NELL1: variants seen among roughly 807,000 people sequenced by gnomAD.
NELL1 encodes the protein protein kinase C-binding protein NELL1.
In NELL1, 76 loss-of-function variants were observed where a neutral mutation model predicts 107.4. That is an observed-to-expected ratio of 0.71 (90% CI 0.59 to 0.86). NELL1 has a LOEUF of 0.86. NELL1 is among the 40% of genes least tolerant of loss of function. NELL1 has a pLI of 0.00. For synonymous variants in NELL1, 353 were observed against 341.2 expected (o/e 1.03, Z -0.38); for missense variants, 1,024 against 1,005.5 (o/e 1.02, Z -0.25).
intron 12 of NELL1, among the ~76,000 whole-genome samples, chr11:20,994,733 G>C (rs1215975911): frequency 6.6e-6 from 1 of 152,152 alleles, no homozygotes; most frequent in Non-Finnish European, 1.5e-5. Flanking sequence ...GGCCTTAGAA[G>C]AGCTAAACTA....
intron 12 of NELL1, among the ~76,000 whole-genome samples, chr11:21,000,233 T>C (rs1232708611): frequency 6.6e-6 from 1 of 151,204 alleles, no homozygotes; most frequent in Non-Finnish European, 1.5e-5. Context: ...ACCTACACAA[T>C]GTGCACATGT....
intron 13 of NELL1, among the ~76,000 whole-genome samples, chr11:21,158,840 T>G (rs1856301432): frequency 6.6e-6 from 1 of 152,190 alleles, no homozygotes; most frequent in African/African-American, 2.4e-5. Context: ...GTTATTTTTT[T>G]TCTCTTTTCA....
intron 14 of NELL1, among the ~76,000 whole-genome samples, chr11:21,309,260 GTATATA>G (rs35920508): frequency 1.0e-5 from 1 of 99,668 alleles, no homozygotes; most frequent in African/African-American, 3.8e-5. Flanking sequence ...ATATATATAT[GTATATA>G]TATATATATA....
At chr11:21,058,172 G>T (rs965266106) in intron 12 of NELL1, among the ~76,000 whole-genome samples, 1 of 152,054 alleles carries the variant, frequency 6.6e-6, no homozygotes, top group Non-Finnish European at 1.5e-5. Context: ...ACCATGGAAG[G>T]CATATGAAAC....
rs116258836 is a variant in NELL1 at position 21,570,702 on chromosome 11, C to T, written c.1981-62C>T. On this transcript the variant is annotated intron_variant, in intron 17 of 19. Coordinates refer to ENST00000357134, the MANE Select transcript of NELL1 (RefSeq NM_006157.5). Reference sequence around the variant, plus strand: ...CCAAACATCCAAGAAGTTCATTTCTCTTAGTGTAGCTGTCCATCATGTCCT... The same window carrying T: ...CCAAACATCCAAGAAGTTCATTTCTTTTAGTGTAGCTGTCCATCATGTCCT... 8.4e-4 allele frequency: 1,275 copies of T among 1,516,926 alleles called. 7 individuals are homozygous for T. In the African/African-American group the frequency reaches 0.016, roughly 19 times the overall value. 94.0% of individuals were successfully genotyped at this position (1,516,926 alleles called of 1,614,324 possible).
At chr11:21,571,589 C>A (rs552746940) in intron 18 of NELL1, among the ~76,000 whole-genome samples, 1 of 151,820 alleles carries the variant, frequency 6.6e-6, no homozygotes, top group Admixed American at 6.6e-5. Context: ...TTAATACTTC[C>A]TACCTTGAAA....
At chr11:21,493,102 G>C (rs1023876167) in intron 15 of NELL1, among the ~76,000 whole-genome samples, 2 of 152,022 alleles carry the variant, frequency 1.3e-5, no homozygotes, top group African/African-American at 2.4e-5. Flanking sequence ...ATGATAGTGA[G>C]TATGCAGAGA....
chr11:20,703,703 G>A (rs976288361), intron 2 of NELL1, among the ~76,000 whole-genome samples: 1 of 152,142 alleles, frequency 6.6e-6, no homozygotes, highest in Non-Finnish European at 1.5e-5. Context: ...GGTATGTTGT[G>A]TCTTTGTTCT....
chr11:21,477,598 C>A (rs1484643996), intron 15 of NELL1, among the ~76,000 whole-genome samples: 3 of 151,924 alleles, frequency 2.0e-5, no homozygotes, highest in Non-Finnish European at 4.4e-5. Context: ...TACAAATAAG[C>A]CTAAACTATG....
chr11:21,339,045 A>G (rs1045889797), intron 14 of NELL1, among the ~76,000 whole-genome samples: 8 of 152,180 alleles, frequency 5.3e-5, no homozygotes, highest in Non-Finnish European at 1.0e-4. Context: ...CGCTGAATCC[A>G]GTTCTGAAGC....
intron 13 of NELL1, among the ~76,000 whole-genome samples, chr11:21,174,243 C>A (rs1856665905): frequency 6.6e-6 from 1 of 151,800 alleles, no homozygotes; most frequent in Non-Finnish European, 1.5e-5. Flanking sequence ...CTGATTCTGT[C>A]CCAGGCAAAC....
chr11:20,984,244 A>C (rs147175894), intron 12 of NELL1, among the ~76,000 whole-genome samples: 42 of 152,250 alleles, frequency 2.8e-4, no homozygotes, highest in African/African-American at 9.9e-4. Flanking sequence ...GCACCTAATA[A>C]ACTGTTTGAT....
chr11:21,477,606 A>G (rs1854370454), intron 15 of NELL1, among the ~76,000 whole-genome samples: 2 of 152,080 alleles, frequency 1.3e-5, no homozygotes, highest in Non-Finnish European at 2.9e-5. Flanking sequence ...AGCCTAAACT[A>G]TGAAGAATAT....
intron 4 of NELL1, among the ~76,000 whole-genome samples, chr11:20,867,552 C>T (rs879467785): frequency 5.9e-5 from 9 of 152,126 alleles, no homozygotes; most frequent in South Asian, 2.1e-4. Flanking sequence ...AAAGAACTTC[C>T]GTTTTCTGGG....
chr11:20,921,197 A>G (rs1564967740), intron 7 of NELL1, among the ~76,000 whole-genome samples: 1 of 152,180 alleles, frequency 6.6e-6, no homozygotes, highest in Non-Finnish European at 1.5e-5. Flanking sequence ...CTTATAGGAC[A>G]TACAAAAGTA....
intron 3 of NELL1, among the ~76,000 whole-genome samples, chr11:20,803,501 T>G (rs1464479483): frequency 3.3e-5 from 5 of 152,210 alleles, no homozygotes; most frequent in Non-Finnish European, 5.9e-5. Flanking sequence ...ACGAACTTCT[T>G]CTTTCATTGA....
intron 14 of NELL1, among the ~76,000 whole-genome samples, chr11:21,276,196 A>G (rs1361382953): frequency 6.6e-6 from 1 of 152,246 alleles, no homozygotes; most frequent in East Asian, 1.9e-4. Context: ...AGGCAACTTC[A>G]GCAAAGTCTC....
chr11:21,429,150 T>G (rs894611670), intron 15 of NELL1, among the ~76,000 whole-genome samples: 1 of 152,230 alleles, frequency 6.6e-6, no homozygotes. Flanking sequence ...GGAAATGTTT[T>G]TAATTTATTC....
intron 4 of NELL1, among the ~76,000 whole-genome samples, chr11:20,883,660 G>T (rs981250893): frequency 3.3e-5 from 5 of 152,094 alleles, no homozygotes; most frequent in African/African-American, 1.2e-4. Context: ...CATCATTTGT[G>T]CCTCATTATC....
Sources: gnomAD v4.1 joint callset for allele counts (sites outside exome capture counted in the v4.1 genomes callset) on GRCh38, gnomAD v4.1.1 for gene constraint, MANE v1.5 for transcripts, NCBI Gene and HGNC (gene_info 2026-07-23, HGNC 2026-07-21) for gene names.